RALA: variants seen among roughly 807,000 people sequenced by gnomAD.
The protein encoded by RALA is RAS like proto-oncogene A.
RALA carries 5 observed loss-of-function variants against 24.0 expected under a neutral mutation model. That is an observed-to-expected ratio of 0.21 (90% CI 0.11 to 0.44). The LOEUF (loss-of-function observed/expected upper bound fraction) is 0.44, where lower values mean the gene tolerates loss of function less well. Among genes scored for constraint, RALA ranks in the 20% least tolerant of loss-of-function variants. The pLI is 0.99. For synonymous variants in RALA, 77 were observed against 83.8 expected, an observed-to-expected ratio of 0.92 and a Z score of 0.44; for missense variants, 95 against 241.2, an observed-to-expected ratio of 0.39 and a Z score of 4.01.
chr7:39,704,067 G>A (rs1354886614), intron 4 of RALA, among the ~76,000 whole-genome samples: 1 of 150,814 alleles, frequency 6.6e-6, no homozygotes, highest in Non-Finnish European at 1.5e-5. Flanking sequence ...TTGGAAGGCT[G>A]AGGCAGGAGA....
chr7:39,705,693 C>T (rs1490752241), intron 4 of RALA, among the ~76,000 whole-genome samples: 1 of 151,576 alleles, frequency 6.6e-6, no homozygotes, highest in East Asian at 1.9e-4. Context: ...ACTGAGGAAA[C>T]CAAGTTATGA....
At chr7:39,651,435 A>G (rs956059928) in intron 1 of RALA, among the ~76,000 whole-genome samples, 3 of 152,242 alleles carry the variant, frequency 2.0e-5, no homozygotes, top group Non-Finnish European at 2.9e-5. Flanking sequence ...GAGGCTCCTC[A>G]CCACACTGAT....
intron 1 of RALA, among the ~76,000 whole-genome samples, chr7:39,642,602 A>T (rs750166014): frequency 9.9e-5 from 15 of 152,164 alleles, no homozygotes; most frequent in Non-Finnish European, 1.6e-4. Flanking sequence ...CCTCAAAACT[A>T]TCCAGCTATT....
At chr7:39,626,659 T>C (rs563048840) in intron 1 of RALA, among the ~76,000 whole-genome samples, 1 of 152,346 alleles carries the variant, frequency 6.6e-6, no homozygotes, top group African/African-American at 2.4e-5. Context: ...ATTTTTCCCG[T>C]GGGTGTCCCG....
chr7:39,660,172 C>T (rs1452717581), intron 1 of RALA, among the ~76,000 whole-genome samples: 1 of 151,970 alleles, frequency 6.6e-6, no homozygotes, highest in Non-Finnish European at 1.5e-5. Flanking sequence ...GGTGAAACCC[C>T]ACCTCTACTT....
chr7:39,666,294 G>A (rs1792286369), intron 1 of RALA, among the ~76,000 whole-genome samples: 1 of 152,136 alleles, frequency 6.6e-6, no homozygotes, highest in African/African-American at 2.4e-5. Flanking sequence ...ATGAATATAT[G>A]TTACTTTTAT....
Position 39,707,984 on chromosome 7 carries a change from C to T in RALA, c.*1739C>T, listed in dbSNP as rs1175149507. The stretch of plus-strand genomic sequence containing the variant: ...TAACATTGTGACTTTGCTTTGAGAC[C>T]TTTCCTCTCCTGGGTACTGAGGTGC... On this transcript the variant is annotated 3_prime_UTR_variant, in exon 5 of 5. Coordinates refer to ENST00000005257, the MANE Select transcript of RALA (RefSeq NM_005402.4). The T allele has an allele frequency of 6.6e-6, 1 of 152,636 alleles. No homozygotes were observed. Among genetic ancestry groups the T allele is most frequent in the Non-Finnish European group, 1.5e-5 (1 of 68,052 alleles). The allele number at this position is 152,636 out of a possible 1,614,324, so 9.5% of individuals were successfully genotyped here. A position where few individuals can be genotyped will look rare whatever the true frequency, so the allele number is the denominator to read the frequency against.
chr7:39,687,889 A>T (rs562578908), intron 2 of RALA, among the ~76,000 whole-genome samples: 5 of 152,330 alleles, frequency 3.3e-5, no homozygotes, highest in African/African-American at 7.2e-5. Context: ...TCTTTTGACT[A>T]AAAATATCCC....
At chr7:39,695,216 A>G (rs1386530820) in intron 3 of RALA, among the ~76,000 whole-genome samples, 4 of 152,064 alleles carry the variant, frequency 2.6e-5, no homozygotes, top group Non-Finnish European at 5.9e-5. Context: ...CTCCTTATGG[A>G]TACCGACATT....
Position 39,706,247 on chromosome 7 carries a change from C to T in RALA, c.*2C>T. ...AGAGAAAGATGCTGCATTTTATAAT[C>T]AAAGCCCAAACTCCTTTCTTATCTT... On this transcript the variant is annotated 3_prime_UTR_variant, in exon 5 of 5. Coordinates refer to ENST00000005257, the MANE Select transcript of RALA (RefSeq NM_005402.4). 4 of 1,604,106 alleles carry T rather than the reference C, an allele frequency of 2.5e-6. No homozygotes were observed. The highest frequency in any genetic ancestry group is 3.4e-6 in the Non-Finnish European group (4 of 1,177,774).
chr7:39,665,678 A>G lies in RALA; in HGVS notation c.-37-20953A>G, dbSNP rs555944439. ...TTTTTTTTTTGGTGTGATTATCGCT[A>G]TTTTATACCACTGACCTTATAAAAT... On this transcript the variant is annotated intron_variant, in intron 1 of 4. Coordinates refer to ENST00000005257, the MANE Select transcript of RALA (RefSeq NM_005402.4). 1.4e-4 allele frequency among the ~76,000 whole-genome samples: 20 copies of G among 146,912 alleles called. No individual in the cohort carries two copies. In the East Asian group the frequency reaches 3.5e-3, roughly 26 times the overall value.
intron 1 of RALA, among the ~76,000 whole-genome samples, chr7:39,665,648 G>GT (rs34551838): frequency 0.069 from 10,007 of 145,434 alleles, 1,012 homozygotes; most frequent in African/African-American, 0.22. Context: ...CTGCAATGTA[G>GT]TTTTTTTTTT....
intron 1 of RALA, among the ~76,000 whole-genome samples, chr7:39,650,665 A>G (rs1792003782): frequency 2.0e-5 from 3 of 152,208 alleles, no homozygotes; most frequent in Admixed American, 2.0e-4. Context: ...CTATATAGTT[A>G]TCTATTGGGG....
Position 39,706,745 on chromosome 7 carries a change from TA to T in RALA, c.*503del, listed in dbSNP as rs1793126923. 1 of 152,634 alleles carries T rather than the reference TA, an allele frequency of 6.6e-6. No homozygotes were observed. Among genetic ancestry groups the T allele is most frequent in the African/African-American group, 2.4e-5 (1 of 41,450 alleles). 9.5% of individuals were successfully genotyped at this position (152,634 alleles called of 1,614,324 possible). On this transcript the variant is annotated 3_prime_UTR_variant, in exon 5 of 5. Transcript: ENST00000005257. The stretch of plus-strand genomic sequence containing the variant: ...TATTGGCATGGTTGTTGCATATAGT[TA>T]AACTGAGAGTAATTCATCTGTGAAT...
In RALA at chr7:39,627,078, T is replaced by TC. The variant is rs1200332474; in HGVS notation, c.-38+3253_-38+3254insC. Reference sequence around the variant, plus strand: ...ATGTGTCCATCTCTCTCTCTCTCTCTTTTTTTTTTTTAAAAGATGTACCCT... The same window carrying TC: ...ATGTGTCCATCTCTCTCTCTCTCTCTCTTTTTTTTTTTAAAAGATGTACCCT... On this transcript the variant is annotated intron_variant, in intron 1 of 4. Coordinates refer to ENST00000005257, the MANE Select transcript of RALA (RefSeq NM_005402.4). 2.3e-4 allele frequency among the ~76,000 whole-genome samples: 28 copies of TC among 124,176 alleles called. 1 individual carries two copies. The highest frequency in any genetic ancestry group is 1.4e-3 in the Admixed American group (17 of 12,114). 81.5% of individuals were successfully genotyped at this position (124,176 alleles called of 152,430 possible).
rs377543704 is a variant in RALA, at chr7:39,677,596, T to C, written c.-37-9035T>C. On this transcript the variant is annotated intron_variant, in intron 1 of 4. Transcript: ENST00000005257. ...GTAATGGGATGGCTGGGTCAAATGG[T>C]ATTTCTAGTTCTAGATCCCTGAGGA... is the stretch of plus-strand genomic sequence containing the variant. Among the ~76,000 whole-genome samples the C allele has an allele frequency of 1.3e-4, 5 of 38,442 alleles. No individual in the cohort carries two copies. In the East Asian group the frequency reaches 2.8e-3, roughly 22 times the overall value. The allele number at this position is 38,442 out of a possible 152,430, so 25.2% of individuals were successfully genotyped here. A position where few individuals can be genotyped will look rare whatever the true frequency, so the allele number is the denominator to read the frequency against.
chr7:39,656,698 A>G (rs370924701), intron 1 of RALA, among the ~76,000 whole-genome samples: 39 of 152,272 alleles, frequency 2.6e-4, no homozygotes, highest in African/African-American at 9.1e-4. Context: ...ATTTATTTAA[A>G]CTCAGTCCTC....
intron 1 of RALA, among the ~76,000 whole-genome samples, chr7:39,640,217 T>G (rs1361064579): frequency 6.6e-6 from 1 of 152,154 alleles, no homozygotes; most frequent in Non-Finnish European, 1.5e-5. Context: ...GGCTAATTTT[T>G]GTAGAAACGG....
chr7:39,661,303 A>C (rs1792184636), intron 1 of RALA, among the ~76,000 whole-genome samples: 1 of 152,168 alleles, frequency 6.6e-6, no homozygotes, highest in Non-Finnish European at 1.5e-5. Context: ...TCACATTTCA[A>C]AACCAATCAT....
Sources: allele counts gnomAD v4.1 joint callset (sites outside exome capture counted in the v4.1 genomes callset), GRCh38; gene constraint gnomAD v4.1.1; transcripts MANE v1.5; gene names NCBI Gene and HGNC (gene_info 2026-07-23, HGNC 2026-07-21).